The following ATXN1 variants were observed in gnomAD, a reference collection of about 807,000 sequenced individuals.
ATXN1 encodes ataxin 1, also known as ataxin-1.
ATXN1 carries 8 observed loss-of-function variants against 56.4 expected under a neutral mutation model. That is an observed-to-expected ratio of 0.14 (90% CI 0.08 to 0.26). The LOEUF (loss-of-function observed/expected upper bound fraction) is 0.26, where lower values mean the gene tolerates loss of function less well. ATXN1 is among the 10% of genes least tolerant of loss of function. The pLI is 1.00. For missense variants in ATXN1, 987 were observed against 1,106.5 expected (o/e 0.89, Z 1.53); for synonymous variants, 514 against 494.6 (o/e 1.04, Z -0.52).
chr6:16,323,481 G>A (rs1350438516), intron 7 of ATXN1, among the ~76,000 whole-genome samples: 1 of 125,878 alleles, frequency 7.9e-6, no homozygotes, highest in Non-Finnish European at 1.5e-5. Flanking sequence ...TCACCCCACT[G>A]CACTCTGCAC....
chr6:16,728,770 C>T (rs977600564), intron 2 of ATXN1, among the ~76,000 whole-genome samples: 2 of 152,114 alleles, frequency 1.3e-5, no homozygotes, highest in African/African-American at 2.4e-5. Flanking sequence ...GGCTGGTATT[C>T]GAACTAGAGA....
At chr6:16,514,644 C>T (rs1028287233) in intron 5 of ATXN1, among the ~76,000 whole-genome samples, 5 of 152,152 alleles carry the variant, frequency 3.3e-5, no homozygotes, top group African/African-American at 7.2e-5. Flanking sequence ...CAGATACTCA[C>T]GTGGGCATAT....
chr6:16,568,403 T>C (rs1471677957), intron 4 of ATXN1, among the ~76,000 whole-genome samples: 1 of 152,214 alleles, frequency 6.6e-6, no homozygotes, highest in Non-Finnish European at 1.5e-5. Context: ...ACATGCCCGG[T>C]ACAGGCAGTT....
chr6:16,567,400 G>A (rs1762249171), intron 4 of ATXN1, among the ~76,000 whole-genome samples: 1 of 152,120 alleles, frequency 6.6e-6, no homozygotes, highest in South Asian at 2.1e-4. Context: ...TAACTACACT[G>A]GCATCAAAGT....
In ATXN1 at chr6:16,753,367, G is replaced by A. The variant is rs2113536583; in HGVS notation, c.-729-20C>T. On this transcript the variant is annotated intron_variant, in intron 1 of 7. Coordinates refer to ENST00000436367, the MANE Select transcript of ATXN1 (RefSeq NM_001128164.2). ...ATGCTCCTGCAATGGTCGAGGGAGT[G>A]CAGGAGAGGAAATCCAAAATGAAAA... 2.2e-6 allele frequency: 1 copy of A among 456,666 alleles called. No individual in the cohort carries two copies. The allele number at this position is 456,666 out of a possible 1,614,324, so 28.3% of individuals were successfully genotyped here.
chr6:16,380,524 A>T (rs985622420), intron 6 of ATXN1, among the ~76,000 whole-genome samples: 1 of 151,496 alleles, frequency 6.6e-6, no homozygotes, highest in Non-Finnish European at 1.5e-5. Context: ...TGCCAGACAC[A>T]TTTCAGATGT....
chr6:16,691,902 G>A (rs976065204), intron 2 of ATXN1, among the ~76,000 whole-genome samples: 2 of 152,224 alleles, frequency 1.3e-5, no homozygotes, highest in South Asian at 2.1e-4. Flanking sequence ...AACTCCCCCA[G>A]GAACTGCTTT....
chr6:16,420,794 A>C (rs1759015793), intron 6 of ATXN1, among the ~76,000 whole-genome samples: 1 of 152,078 alleles, frequency 6.6e-6, no homozygotes, highest in Admixed American at 6.6e-5. Context: ...TTATCTCATA[A>C]CCGGGGCCTA....
chr6:16,672,132 A>G (rs1352905499), intron 2 of ATXN1, among the ~76,000 whole-genome samples: 2 of 152,154 alleles, frequency 1.3e-5, no homozygotes, highest in Non-Finnish European at 2.9e-5. Flanking sequence ...ACTAAGTTGT[A>G]TATTCAAGTC....
intron 4 of ATXN1, among the ~76,000 whole-genome samples, chr6:16,566,624 C>T (rs1046267424): frequency 1.3e-4 from 20 of 152,100 alleles, no homozygotes; most frequent in Non-Finnish European, 2.1e-4. Flanking sequence ...GAGGCCACGG[C>T]GGGCGGATCA....
At chr6:16,709,424 A>G (rs1759478006) in intron 2 of ATXN1, among the ~76,000 whole-genome samples, 1 of 152,188 alleles carries the variant, frequency 6.6e-6, no homozygotes, top group Non-Finnish European at 1.5e-5. Context: ...ATTCAGTATC[A>G]AAATCCTTGG....
At chr6:16,650,633 G>C (rs1372881522) in intron 3 of ATXN1, among the ~76,000 whole-genome samples, 1 of 152,188 alleles carries the variant, frequency 6.6e-6, no homozygotes, top group African/African-American at 2.4e-5. Flanking sequence ...TTGGCCTAAA[G>C]GTTTCTCCGC....
chr6:16,436,676 G>A (rs1231282499), intron 6 of ATXN1, among the ~76,000 whole-genome samples: 8 of 151,672 alleles, frequency 5.3e-5, no homozygotes, highest in Admixed American at 4.6e-4. Context: ...TCGAGGTGGT[G>A]TTCCTGGCAC....
intron 4 of ATXN1, among the ~76,000 whole-genome samples, chr6:16,567,805 A>G (rs913899042): frequency 6.6e-6 from 1 of 152,260 alleles, no homozygotes; most frequent in Non-Finnish European, 1.5e-5. Flanking sequence ...CAAGGTGTGT[A>G]AACTGCAAAT....
At chr6:16,466,433 T>C (rs967085731) in intron 6 of ATXN1, among the ~76,000 whole-genome samples, 4 of 150,048 alleles carry the variant, frequency 2.7e-5, no homozygotes, top group Admixed American at 2.7e-4. Flanking sequence ...AGAATTCTCA[T>C]CTGATCATAT....
At chr6:16,536,833 C>T (rs1326822599) in intron 4 of ATXN1, among the ~76,000 whole-genome samples, 3 of 152,206 alleles carry the variant, frequency 2.0e-5, no homozygotes, top group Non-Finnish European at 4.4e-5. Context: ...TTATATTCCA[C>T]ATGGACCCTC....
chr6:16,549,308 G>C (rs1761873093), intron 4 of ATXN1, among the ~76,000 whole-genome samples: 1 of 152,122 alleles, frequency 6.6e-6, no homozygotes, highest in Non-Finnish European at 1.5e-5. Context: ...TACATGACTG[G>C]CAGCACAGTA....
intron 6 of ATXN1, among the ~76,000 whole-genome samples, chr6:16,364,997 A>G (rs149639008): frequency 6.6e-6 from 1 of 152,270 alleles, no homozygotes; most frequent in Non-Finnish European, 1.5e-5. Context: ...TACCCAGGAG[A>G]GACAACCAGC....
At chr6:16,729,299 G>T (rs189480217) in intron 2 of ATXN1, among the ~76,000 whole-genome samples, 70 of 152,316 alleles carry the variant, frequency 4.6e-4, no homozygotes, top group African/African-American at 1.6e-3. Flanking sequence ...CCTGTGGGGT[G>T]AGCGGTAAAT....
Sources: gnomAD v4.1 joint callset for allele counts (sites outside exome capture counted in the v4.1 genomes callset) on GRCh38, gnomAD v4.1.1 for gene constraint, MANE v1.5 for transcripts, NCBI Gene and HGNC (gene_info 2026-07-23, HGNC 2026-07-21) for gene names.